COL21A1: variants seen among roughly 807,000 people sequenced by gnomAD.
COL21A1 encodes collagen type XXI alpha 1 chain.
A neutral mutation model predicts 137.9 loss-of-function variants in COL21A1; 149 were observed. That is an observed-to-expected ratio of 1.08 (90% CI 0.95 to 1.24). The LOEUF is 1.24. Among genes scored for constraint, COL21A1 ranks in the 50% most tolerant of loss-of-function variants. The pLI is 0.00. For synonymous variants in COL21A1, 456 were observed against 391.5 expected, an observed-to-expected ratio of 1.16 and a Z score of -1.95; for missense variants, 1,167 against 1,158.4, an observed-to-expected ratio of 1.01 and a Z score of -0.11.
rs1765037650 is a variant in COL21A1, at chr6:56,325,654, T to TATAA, written c.-39+68316_-39+68317insTTAT. Among the ~76,000 whole-genome samples the TATAA allele has an allele frequency of 8.8e-3, 6 of 684 alleles. 1 individual carries two copies. The Non-Finnish European group carries it at 0.14, about 16-fold the overall frequency. 0.4% of individuals were successfully genotyped at this position (684 alleles called of 152,430 possible). On this transcript the variant is annotated intron_variant, in intron 1 of 28. Transcript: ENST00000370819. ...TATATATAATATATAATATAATATA[T>TATAA]TATATATTAAATATATTATATATAA...
At chr6:56,098,015 A>G (rs1769671157) in intron 17 of COL21A1, among the ~76,000 whole-genome samples, 1 of 81,978 alleles carries the variant, frequency 1.2e-5, no homozygotes, top group Non-Finnish European at 2.0e-5. Context: ...ATATATAAAT[A>G]TATATAAATA....
At chr6:56,227,244 T>C (rs1386488424) in intron 1 of COL21A1, among the ~76,000 whole-genome samples, 1 of 152,030 alleles carries the variant, frequency 6.6e-6, no homozygotes, top group African/African-American at 2.4e-5. Context: ...ATGAATGTGC[T>C]GTGTAATATG....
chr6:56,168,294 ACGTCT>A lies in COL21A1; in HGVS notation c.1027-2_1029del. The A allele has an allele frequency of 6.5e-7, 1 of 1,530,724 alleles. No individual in the cohort carries two copies. The highest frequency in any genetic ancestry group is 2.0e-5 in the Admixed American group (1 of 51,278). 94.8% of individuals were successfully genotyped at this position (1,530,724 alleles called of 1,614,324 possible). ...ATTTGGTGCCAGCCTTCATCAAACAACGTCTACAAAAAGAAAGTGTGGAAGATTCA... is the reference window on the plus strand; with the variant it reads ...ATTTGGTGCCAGCCTTCATCAAACAAACAAAAAGAAAGTGTGGAAGATTCA... On this transcript the variant is annotated splice_acceptor_variant and coding_sequence_variant, in exon 6 of 30. Coordinates refer to ENST00000244728, the MANE Select transcript of COL21A1 (RefSeq NM_030820.4). LOFTEE classifies it high-confidence loss of function.
At chr6:56,281,610 C>G (rs552056027) in intron 1 of COL21A1, among the ~76,000 whole-genome samples, 15 of 152,300 alleles carry the variant, frequency 9.8e-5, no homozygotes, top group African/African-American at 3.4e-4. Context: ...ATGAATGTTT[C>G]ACCATTACAG....
chr6:56,259,037 T>G (rs1338365951), intron 1 of COL21A1, among the ~76,000 whole-genome samples: 1 of 152,182 alleles, frequency 6.6e-6, no homozygotes, highest in Non-Finnish European at 1.5e-5. Flanking sequence ...CCAAACTTAT[T>G]TGCACTCCCC....
intron 3 of COL21A1, 110 bp from the exon 4 acceptor site, chr6:56,171,238 A>G (rs1777025648): frequency 4.8e-6 from 3 of 626,410 alleles, no homozygotes; most frequent in Middle Eastern, 4.6e-4. Flanking sequence ...TAGAATTATA[A>G]AATCTACATA....
chr6:56,331,250 T>C (rs2152343542), intron 1 of COL21A1, among the ~76,000 whole-genome samples: 1 of 151,768 alleles, frequency 6.6e-6, no homozygotes, highest in South Asian at 2.1e-4. Flanking sequence ...CTGCAGGTTG[T>C]CTATTTTTTT....
At chr6:56,340,408 A>G (rs1386927552) in intron 1 of COL21A1, among the ~76,000 whole-genome samples, 1 of 82,276 alleles carries the variant, frequency 1.2e-5, no homozygotes, top group African/African-American at 4.3e-5. Context: ...GACAAAACAG[A>G]TACAGAGGTT....
rs766965698 is a variant in COL21A1, at chr6:56,182,534, A to C, written c.85T>G (p.Ser29Ala). Residue 29 changes from serine to alanine, a missense_variant, in exon 2 of 30, where the codon TCA becomes GCA. Ser to Ala is a moderately conservative substitution (Grantham distance 99). Coordinates refer to ENST00000244728, the MANE Select transcript of COL21A1 (RefSeq NM_030820.4). ...SVLAEDGEVR[S>A]SCRTAPTDLV... The stretch of plus-strand genomic sequence containing the variant: ...GGACAATGCTGATAGTTCTTACTTG[A>C]TCTTACTTCCCCATCTTCAGCTAAC... 6.3e-7 allele frequency: 1 copy of C among 1,591,056 alleles called. No homozygotes were observed. The highest frequency in any genetic ancestry group is 1.7e-5 in the Admixed American group (1 of 57,848).
At chr6:56,245,266 G>A (rs1234112245) in intron 1 of COL21A1, among the ~76,000 whole-genome samples, 1 of 152,092 alleles carries the variant, frequency 6.6e-6, no homozygotes, top group Non-Finnish European at 1.5e-5. Context: ...ATTTAAATAT[G>A]AATGTTAATA....
chr6:56,127,269 T>G (rs1309330978), intron 12 of COL21A1, among the ~76,000 whole-genome samples: 1 of 152,238 alleles, frequency 6.6e-6, no homozygotes, highest in African/African-American at 2.4e-5. Flanking sequence ...GCTATAAATA[T>G]ATTCTCATTA....
At chr6:56,302,305 C>A (rs1175033449) in intron 1 of COL21A1, among the ~76,000 whole-genome samples, 1 of 152,180 alleles carries the variant, frequency 6.6e-6, no homozygotes, top group African/African-American at 2.4e-5. Flanking sequence ...AATCACCACA[C>A]TGACTTCCAC....
At chr6:56,244,780 T>G (rs534528490) in intron 1 of COL21A1, among the ~76,000 whole-genome samples, 17 of 152,300 alleles carry the variant, frequency 1.1e-4, no homozygotes, top group African/African-American at 4.1e-4. Flanking sequence ...AACTTATCGC[T>G]AAAATAAAAG....
At position 56,159,791 on chromosome 6, in the gene COL21A1, A is replaced by G. The variant is rs1925182; in HGVS notation, c.1372-2842T>C. ...ACCTAAGATATCAAAAGGATTTGAC[A>G]GGGTTTAATCTCTATCATCATCAGG... is the stretch of plus-strand genomic sequence containing the variant. On this transcript the variant is annotated intron_variant, in intron 9 of 29. Coordinates refer to ENST00000244728, the MANE Select transcript of COL21A1 (RefSeq NM_030820.4). Among the ~76,000 whole-genome samples, 912 of 152,278 alleles carry G rather than the reference A, an allele frequency of 6.0e-3. 10 individuals are homozygous for G. Among genetic ancestry groups the G allele is most frequent in the African/African-American group, 0.021 (875 of 41,560 alleles).
At chr6:56,390,481 A>G (rs2094027117) in intron 1 of COL21A1, among the ~76,000 whole-genome samples, 1 of 144,694 alleles carries the variant, frequency 6.9e-6, no homozygotes, top group South Asian at 2.2e-4. Flanking sequence ...TCAAATACAT[A>G]GAGTGGCTGA....
intron 1 of COL21A1, among the ~76,000 whole-genome samples, chr6:56,369,097 G>C (rs906219335): frequency 6.6e-6 from 1 of 151,964 alleles, no homozygotes; most frequent in Non-Finnish European, 1.5e-5. Flanking sequence ...TGAATATCGA[G>C]AACCAATTGT....
chr6:56,151,002 T>A (rs1775275462), intron 10 of COL21A1, among the ~76,000 whole-genome samples: 1 of 152,104 alleles, frequency 6.6e-6, no homozygotes, highest in South Asian at 2.1e-4. Context: ...GGCGGGTGGA[T>A]CACGAGGTCA....
At chr6:56,267,721 C>T (rs1763423962) in intron 1 of COL21A1, among the ~76,000 whole-genome samples, 1 of 147,222 alleles carries the variant, frequency 6.8e-6, no homozygotes, top group Admixed American at 6.8e-5. Context: ...CATGCCATTG[C>T]ACTCCAGCCT....
At chr6:56,353,655 C>T (rs889618080) in intron 1 of COL21A1, among the ~76,000 whole-genome samples, 1 of 152,202 alleles carries the variant, frequency 6.6e-6, no homozygotes, top group East Asian at 1.9e-4. Context: ...TTCATCCAGT[C>T]ATCCAATAGT....
Sources: gnomAD v4.1 joint callset for allele counts (sites outside exome capture counted in the v4.1 genomes callset) on GRCh38, gnomAD v4.1.1 for gene constraint, MANE v1.5 for transcripts, NCBI Gene and HGNC (gene_info 2026-07-23, HGNC 2026-07-21) for gene names.